GIGYF2: variants seen among roughly 807,000 people sequenced by gnomAD.
The protein encoded by GIGYF2 is GRB10-interacting GYF protein 2.
In GIGYF2, 25 loss-of-function variants were observed where a neutral mutation model predicts 208.1. The observed-to-expected ratio is 0.12, with a 90% confidence interval of 0.09 to 0.17. The LOEUF (loss-of-function observed/expected upper bound fraction) is 0.17. Among genes scored for constraint, GIGYF2 ranks in the 10% least tolerant of loss-of-function variants. The pLI, the probability that GIGYF2 is intolerant of heterozygous loss-of-function variation, is 1.00. For synonymous variants in GIGYF2, 534 were observed against 543.8 expected (o/e 0.98, Z 0.25); for missense variants, 1,302 against 1,579.4 (o/e 0.82, Z 2.98).
chr2:232,702,123 G>A (rs991225192), intron 1 of GIGYF2, among the ~76,000 whole-genome samples: 1 of 152,068 alleles, frequency 6.6e-6, no homozygotes, highest in African/African-American at 2.4e-5. Context: ...CTCCAGCTGA[G>A]GGAACAAAGC....
chr2:232,822,500 G>T (rs1159897081), intron 21 of GIGYF2, among the ~76,000 whole-genome samples: 1 of 152,338 alleles, frequency 6.6e-6, no homozygotes, highest in African/African-American at 2.4e-5. Flanking sequence ...GGCCAACAGG[G>T]TGAAACCCTG....
At chr2:232,743,031 T>G (rs1698027798) in intron 3 of GIGYF2, among the ~76,000 whole-genome samples, 1 of 152,228 alleles carries the variant, frequency 6.6e-6, no homozygotes, top group African/African-American at 2.4e-5. Flanking sequence ...CTATCCAAAT[T>G]GCTTTCATAA....
At chr2:232,730,986 C>T (rs1356243687) in intron 2 of GIGYF2, 1 of 151,842 alleles carries the variant, frequency 6.6e-6, no homozygotes, top group Non-Finnish European at 1.5e-5. Context: ...AGTTGGGTTC[C>T]CAGCTCAAGA....
chr2:232,718,201 T>C (rs1696779267), intron 2 of GIGYF2, among the ~76,000 whole-genome samples: 2 of 152,032 alleles, frequency 1.3e-5, no homozygotes, highest in Non-Finnish European at 1.5e-5. Flanking sequence ...AGGTTCAAGC[T>C]GTTCTCCTGT....
intron 2 of GIGYF2, among the ~76,000 whole-genome samples, chr2:232,704,856 A>ATTTTTTTTTTTTTTTT (rs10689292): frequency 9.8e-6 from 1 of 101,958 alleles, no homozygotes; most frequent in Non-Finnish European, 1.8e-5. Context: ...TAACTTCTGG[A>ATTTTTTTTTTTTTTTT]TTTTTTTTTT....
At chr2:232,736,171 T>C (rs1417419969) in intron 3 of GIGYF2, 16 of 981,492 alleles carry the variant, frequency 1.6e-5, no homozygotes, top group Non-Finnish European at 1.9e-5. Context: ...AAATCACTAT[T>C]TGAAGTTCTA....
At chr2:232,835,990 A>G (rs971525307) in intron 22 of GIGYF2, among the ~76,000 whole-genome samples, 1 of 151,946 alleles carries the variant, frequency 6.6e-6, no homozygotes, top group South Asian at 2.1e-4. Flanking sequence ...TCCAAACAGC[A>G]CTGATGCAGT....
intron 1 of GIGYF2, among the ~76,000 whole-genome samples, chr2:232,702,303 G>A (rs149105924): frequency 0.023 from 3,532 of 152,184 alleles, 149 homozygotes; most frequent in African/African-American, 0.08. Flanking sequence ...GCTGGGCATG[G>A]TGGTGCACAC....
intron 8 of GIGYF2, chr2:232,768,047 C>T: frequency 1.3e-6 from 1 of 752,744 alleles, no homozygotes; most frequent in Non-Finnish European, 2.2e-6. Context: ...GTTAGCTCAG[C>T]CATTCTTATG....
chr2:232,724,475 T>G (rs922802946), intron 2 of GIGYF2: 3 of 152,150 alleles, frequency 2.0e-5, no homozygotes, highest in African/African-American at 7.2e-5. Context: ...AACTGCATTC[T>G]TCAGATCATC....
intron 8 of GIGYF2, chr2:232,765,180 T>C (rs1464011830): frequency 1.3e-5 from 2 of 152,198 alleles, no homozygotes; most frequent in African/African-American, 4.8e-5. Context: ...CTTTTACTTT[T>C]TGGAAGTAAT....
At chr2:232,830,843 G>A (rs1199294716) in intron 21 of GIGYF2, among the ~76,000 whole-genome samples, 9 of 152,096 alleles carry the variant, frequency 5.9e-5, no homozygotes, top group Non-Finnish European at 1.5e-5. Context: ...ATAATAACTT[G>A]TAAAAAAGAG....
intron 8 of GIGYF2, 132 bp downstream of exon 8, chr2:232,761,568 A>G (rs1046137221): frequency 7.8e-6 from 5 of 642,406 alleles, no homozygotes; most frequent in Non-Finnish European, 1.4e-5. Context: ...TCTCTACTGC[A>G]TGAAACCAGA....
chr2:232,761,563 A>C, intron 8 of GIGYF2, 127 bp downstream of exon 8: 2 of 650,132 alleles, frequency 3.1e-6, no homozygotes, highest in South Asian at 3.3e-5. Context: ...TGAAGTCTCT[A>C]CTGCATGAAA....
In GIGYF2 at chr2:232,836,367, AAT is replaced by A. The variant is rs1388393942; in HGVS notation, c.2766+3282_2766+3283del. 5.0e-5 allele frequency among the ~76,000 whole-genome samples: 3 copies of A among 60,066 alleles called. No homozygotes were observed. In the East Asian group the frequency reaches 1.4e-3, roughly 29 times the overall value. The allele number at this position is 60,066 out of a possible 152,430, so 39.4% of individuals were successfully genotyped here. ...TTATATATTTATATATATAAATATAAATATATATAAATATAAATATATATAAA... is the reference window on the plus strand; with the variant it reads ...TTATATATTTATATATATAAATATAAATATATAAATATAAATATATATAAA... On this transcript the variant is annotated intron_variant, in intron 22 of 28. Coordinates refer to ENST00000373563, the MANE Select transcript of GIGYF2 (RefSeq NM_001103146.3).
intron 21 of GIGYF2, among the ~76,000 whole-genome samples, chr2:232,830,661 C>T (rs926611585): frequency 6.6e-6 from 1 of 152,108 alleles, no homozygotes; most frequent in South Asian, 2.1e-4. Flanking sequence ...TCCCTAATGT[C>T]CTTTTTCTGT....
chr2:232,793,412 G>A (rs958062914), intron 12 of GIGYF2, among the ~76,000 whole-genome samples: 5 of 152,136 alleles, frequency 3.3e-5, no homozygotes, highest in African/African-American at 1.2e-4. Flanking sequence ...AAAGAAGAGG[G>A]AAGAGCCAAA....
In GIGYF2 at chr2:232,816,991, A is replaced by C. The variant is rs369435231; in HGVS notation, c.2329A>C (p.Arg777=). ...TCTTCGGCGACAGCAGGAAGAAGAA[A>C]GGAAAAGGCGAGAGGAAGAAGAACT... The part of the protein sequence containing the change: ...EILRRQQEEE[R]KRREEEELAR... Residue 777 remains arginine, a synonymous_variant, in exon 20 of 29, where the codon AGG becomes CGG. Coordinates refer to ENST00000373563, the MANE Select transcript of GIGYF2 (RefSeq NM_001103146.3). 1 of 1,613,718 alleles carries C rather than the reference A, an allele frequency of 6.2e-7. No individual in the cohort carries two copies. The highest frequency in any genetic ancestry group is 1.3e-5 in the African/African-American group (1 of 74,918).
At chr2:232,762,497 C>T (rs907468488) in intron 8 of GIGYF2, among the ~76,000 whole-genome samples, 7 of 151,908 alleles carry the variant, frequency 4.6e-5, no homozygotes, top group Admixed American at 1.3e-4. Flanking sequence ...GTGATCCACC[C>T]GCCTCAGCCT....
Sources: gnomAD v4.1 joint callset for allele counts (sites outside exome capture counted in the v4.1 genomes callset) on GRCh38, gnomAD v4.1.1 for gene constraint, MANE v1.5 for transcripts, NCBI Gene and HGNC (gene_info 2026-07-23, HGNC 2026-07-21) for gene names.